IER3IP1: variants seen among roughly 807,000 people sequenced by gnomAD.
The protein encoded by IER3IP1 is immediate early response 3 interacting protein 1, also known as immediate early response 3-interacting protein 1.
A neutral mutation model predicts 12.2 loss-of-function variants in IER3IP1; 16 were observed. That is an observed-to-expected ratio of 1.31 (90% CI 0.89 to 1.99). The LOEUF is 1.99. Ranked by LOEUF, IER3IP1 falls within the 30% of genes most tolerant of loss-of-function variation. The probability of loss-of-function intolerance (pLI) is 0.00; values close to 1 mark genes in which losing one functional copy is unlikely to be tolerated. For synonymous variants in IER3IP1, 42 were observed against 40.0 expected (o/e 1.05, Z -0.19); for missense variants, 95 against 95.8 (o/e 0.99, Z 0.03).
In IER3IP1 at chr18:47,154,482, T is replaced by G. The variant is rs1902593952; in HGVS notation, c.*1695A>C. 1 of 152,208 alleles carries G rather than the reference T, an allele frequency of 6.6e-6. No homozygotes were observed. Among genetic ancestry groups the G allele is most frequent in the Non-Finnish European group, 1.5e-5 (1 of 68,032 alleles). The allele number at this position is 152,208 out of a possible 1,614,324, so 9.4% of individuals were successfully genotyped here. A position where few individuals can be genotyped will look rare whatever the true frequency, so the allele number is the denominator to read the frequency against. ...AAGATGAAGGTATGCTGTAATGTCTTATATGAAAAATAACATCAGATCAAG... is the reference window on the plus strand; with the variant it reads ...AAGATGAAGGTATGCTGTAATGTCTGATATGAAAAATAACATCAGATCAAG... On this transcript the variant is annotated 3_prime_UTR_variant, in exon 3 of 3. Transcript: ENST00000256433.
Position 47,156,196 on chromosome 18 carries a change from A to T in IER3IP1, c.230T>A (p.Leu77Ter), listed in dbSNP as rs2063958344. ...TGATATTCATCCAAATAATAAAAGT[A>T]ACACAATTGCAATTGAGTTTACTAT... ...LIIVNSIAIV[L>*]LLLFG Residue 77 changes from leucine (L) to a stop codon, truncating the protein, a stop_gained, in exon 3 of 3, where the codon TTA becomes TAA. Coordinates refer to ENST00000256433, the MANE Select transcript of IER3IP1 (RefSeq NM_016097.5). LOFTEE classifies it high-confidence loss of function. The T allele has an allele frequency of 1.9e-6, 3 of 1,565,440 alleles. No homozygotes were observed. Among genetic ancestry groups the T allele is most frequent in the Non-Finnish European group, 8.8e-7 (1 of 1,136,148 alleles).
rs764674404 is a variant in IER3IP1 at position 47,176,294 on chromosome 18, C to A, written c.-17G>T. 19 of 1,592,782 alleles carry A rather than the reference C, an allele frequency of 1.2e-5. No individual in the cohort carries two copies. The South Asian group carries it at 1.9e-4, about 16-fold the overall frequency. On this transcript the variant is annotated 5_prime_UTR_variant, in exon 1 of 3. Coordinates refer to ENST00000256433, the MANE Select transcript of IER3IP1 (RefSeq NM_016097.5). ...AAAGGCCATGGCCGTCCGAGGCCGC[C>A]CCGAAGTCCAAGCGATTTCTCTCCC... is the stretch of plus-strand genomic sequence containing the variant.
In IER3IP1 at chr18:47,156,352, T is replaced by C. The variant is rs950857180; in HGVS notation, c.194-120A>G. The stretch of plus-strand genomic sequence containing the variant: ...TAACAATATGTCATCATAATCATGT[T>C]GTAAAAAGTTATAACAAAGAAACAT... On this transcript the variant is annotated intron_variant, in intron 2 of 2. Transcript: ENST00000256433. The C allele has an allele frequency of 7.5e-6, 5 of 664,568 alleles. No individual in the cohort carries two copies. In the African/African-American group the frequency reaches 9.1e-5, roughly 12 times the overall value. The allele number at this position is 664,568 out of a possible 1,614,324, so 41.2% of individuals were successfully genotyped here.
At chr18:47,160,948 A>G (rs1328193910) in intron 1 of IER3IP1, among the ~76,000 whole-genome samples, 2 of 152,120 alleles carry the variant, frequency 1.3e-5, no homozygotes, top group Admixed American at 6.5e-5. Flanking sequence ...ACTACAAATC[A>G]TTATTTCTTC....
intron 1 of IER3IP1, among the ~76,000 whole-genome samples, chr18:47,168,910 C>CA (rs2064005953): frequency 6.6e-6 from 1 of 152,072 alleles, no homozygotes; most frequent in Admixed American, 6.5e-5. Context: ...ATGTGTAATT[C>CA]AAAAAACAAA....
At chr18:47,160,450 C>T (rs548316836) in intron 1 of IER3IP1, among the ~76,000 whole-genome samples, 1 of 152,304 alleles carries the variant, frequency 6.6e-6, no homozygotes, top group Non-Finnish European at 1.5e-5. Flanking sequence ...GGAATGCCAT[C>T]GGCTGGAAGG....
Position 47,176,363 on chromosome 18 carries a change from A to G in IER3IP1, c.-86T>C. 1 of 1,206,630 alleles carries G rather than the reference A, an allele frequency of 8.3e-7. No homozygotes were observed. Among genetic ancestry groups the G allele is most frequent in the Admixed American group, 2.0e-5 (1 of 50,628 alleles). The allele number at this position is 1,206,630 out of a possible 1,614,324, so 74.7% of individuals were successfully genotyped here. A position where few individuals can be genotyped will look rare whatever the true frequency, so the allele number is the denominator to read the frequency against. Reference sequence around the variant, plus strand: ...GCGCCTCCACGGCCGGCGCCTTCCTACGGAAGCCGATGGGGCCCAAAACGA... The same window carrying G: ...GCGCCTCCACGGCCGGCGCCTTCCTGCGGAAGCCGATGGGGCCCAAAACGA... On this transcript the variant is annotated 5_prime_UTR_variant, in exon 1 of 3. Coordinates refer to ENST00000256433, the MANE Select transcript of IER3IP1 (RefSeq NM_016097.5).
At chr18:47,160,944 A>C (rs1487465886) in intron 1 of IER3IP1, among the ~76,000 whole-genome samples, 1 of 152,184 alleles carries the variant, frequency 6.6e-6, no homozygotes, top group Non-Finnish European at 1.5e-5. Flanking sequence ...TGATACTACA[A>C]ATCATTATTT....
chr18:47,171,115 C>G (rs1022035670), intron 1 of IER3IP1, among the ~76,000 whole-genome samples: 7 of 151,856 alleles, frequency 4.6e-5, no homozygotes, highest in Non-Finnish European at 5.9e-5. Flanking sequence ...TTGTCAAATG[C>G]CTTTCTGCAT....
intron 1 of IER3IP1, among the ~76,000 whole-genome samples, chr18:47,159,863 T>C (rs945912638): frequency 6.6e-6 from 1 of 152,150 alleles, no homozygotes; most frequent in African/African-American, 2.4e-5. Context: ...AATTCTTCTA[T>C]GGTTTGATAT....
At chr18:47,171,512 T>C (rs1291708700) in intron 1 of IER3IP1, among the ~76,000 whole-genome samples, 1 of 152,232 alleles carries the variant, frequency 6.6e-6, no homozygotes, top group Admixed American at 6.5e-5. Flanking sequence ...GAGAAGTTTT[T>C]AAATTATTCA....
chr18:47,171,129 T>C (rs2064014123), intron 1 of IER3IP1, among the ~76,000 whole-genome samples: 1 of 152,202 alleles, frequency 6.6e-6, no homozygotes, highest in African/African-American at 2.4e-5. Flanking sequence ...TCTGCATTTT[T>C]TGTGAAGACT....
Position 47,157,538 on chromosome 18 carries a change from C to A in IER3IP1, c.92-1G>T. 1 of 1,613,290 alleles carries A rather than the reference C, an allele frequency of 6.2e-7. No homozygotes were observed. Among genetic ancestry groups the A allele is most frequent in the Non-Finnish European group, 8.5e-7 (1 of 1,179,230 alleles). ...ATTCCCTGGTCTGTTCCCCAGCCAACTGTATAATGTAAAGATTAGCTGTGT... is the reference window on the plus strand; with the variant it reads ...ATTCCCTGGTCTGTTCCCCAGCCAAATGTATAATGTAAAGATTAGCTGTGT... On this transcript the variant is annotated splice_acceptor_variant, in intron 1 of 2. Transcript: ENST00000256433. LOFTEE classifies it high-confidence loss of function.
At chr18:47,161,383 T>C (rs1039970657) in intron 1 of IER3IP1, among the ~76,000 whole-genome samples, 1 of 152,230 alleles carries the variant, frequency 6.6e-6, no homozygotes, top group South Asian at 2.1e-4. Context: ...GGTTTCGTTC[T>C]TTTTTGAATT....
intron 1 of IER3IP1, among the ~76,000 whole-genome samples, chr18:47,171,721 T>C (rs76801947): frequency 0.015 from 2,270 of 152,324 alleles, 74 homozygotes; most frequent in East Asian, 0.13. Flanking sequence ...TTGTGGAGGC[T>C]GCGAGAGCAG....
At chr18:47,164,787 AAAAC>A (rs1438253968) in intron 1 of IER3IP1, among the ~76,000 whole-genome samples, 2 of 151,244 alleles carry the variant, frequency 1.3e-5, no homozygotes, top group Non-Finnish European at 3.0e-5. Context: ...CCAAAAAAAA[AAAAC>A]AAGAGAGAGA....
At chr18:47,158,196 A>G (rs1467618800) in intron 1 of IER3IP1, among the ~76,000 whole-genome samples, 3 of 152,218 alleles carry the variant, frequency 2.0e-5, no homozygotes, top group Non-Finnish European at 4.4e-5. Context: ...ATTCTTTTTC[A>G]AAAATTACCA....
rs2063949994 is a variant in IER3IP1 at position 47,154,041 on chromosome 18, C to A, written c.*2136G>T. ...TTTGGTTAATATCTACAGACTAGAG[C>A]CAAGAACCTTCGCACAGTTCAGAGA... is the stretch of plus-strand genomic sequence containing the variant. On this transcript the variant is annotated 3_prime_UTR_variant, in exon 3 of 3. Transcript: ENST00000256433. 6.6e-6 allele frequency: 1 copy of A among 152,166 alleles called. No individual in the cohort carries two copies. Among genetic ancestry groups the A allele is most frequent in the Non-Finnish European group, 1.5e-5 (1 of 68,034 alleles). The allele number at this position is 152,166 out of a possible 1,614,324, so 9.4% of individuals were successfully genotyped here.
At position 47,153,378 on chromosome 18, in the gene IER3IP1, C is replaced by T. The variant is rs1382062450; in HGVS notation, c.*2799G>A. The T allele has an allele frequency of 6.6e-6, 1 of 152,034 alleles. No individual in the cohort carries two copies. The highest frequency in any genetic ancestry group is 2.4e-5 in the African/African-American group (1 of 41,372). 9.4% of individuals were successfully genotyped at this position (152,034 alleles called of 1,614,324 possible). ...TCTGTTTCCCTCACCCCCTCCCACC[C>T]TCCCTAAAGCAGGGATTTTATTTTT... On this transcript the variant is annotated 3_prime_UTR_variant, in exon 3 of 3. Transcript: ENST00000256433.
Sources: allele counts gnomAD v4.1 joint callset (sites outside exome capture counted in the v4.1 genomes callset), GRCh38; gene constraint gnomAD v4.1.1; transcripts MANE v1.5; gene names NCBI Gene and HGNC (gene_info 2026-07-23, HGNC 2026-07-21).